P2RY8: variants seen among roughly 807,000 people sequenced by gnomAD.
The protein encoded by P2RY8 is P2Y receptor family member 8.
In P2RY8, 6 loss-of-function variants were observed where a neutral mutation model predicts 10.0. The ratio of observed to expected loss-of-function variants is 0.60; its 90% CI spans 0.33 to 1.19. The LOEUF (loss-of-function observed/expected upper bound fraction) is 1.19, where lower values mean the gene tolerates loss of function less well. Among genes scored for constraint, P2RY8 ranks in the 50% most tolerant of loss-of-function variants. The pLI, the probability that P2RY8 is intolerant of heterozygous loss-of-function variation, is 0.04. For missense variants in P2RY8, 456 were observed against 542.0 expected (o/e 0.84, Z 1.58); for synonymous variants, 276 against 252.5 (o/e 1.09, Z -0.88).
At chrX:1,493,005 C>T (rs1162022256) in intron 1 of P2RY8, among the ~76,000 whole-genome samples, 18 of 151,706 alleles carry the variant, frequency 1.2e-4, no homozygotes, top group African/African-American at 2.9e-4. Context: ...ACCTGTCTCA[C>T]GAAGTTTCGA....
At chrX:1,508,754 T>C (rs1364744386) in intron 1 of P2RY8, among the ~76,000 whole-genome samples, 107 of 137,248 alleles carry the variant, frequency 7.8e-4, no homozygotes, top group Admixed American at 1.7e-3. Flanking sequence ...ATCTATCTAT[T>C]TCTATTATCT....
chrX:1,535,404 T>C (rs1430928000), intron 1 of P2RY8, among the ~76,000 whole-genome samples: 1 of 151,502 alleles, frequency 6.6e-6, no homozygotes, highest in East Asian at 1.9e-4. Context: ...GCCAGGCTGG[T>C]CTCAAACCCC....
At chrX:1,504,784 C>T (rs1374034636) in intron 1 of P2RY8, among the ~76,000 whole-genome samples, 5 of 150,984 alleles carry the variant, frequency 3.3e-5, no homozygotes, top group Admixed American at 1.3e-4. Context: ...GTCAGGAGTT[C>T]GAGGCCAGCC....
At chrX:1,487,881 C>T (rs1473259741) in intron 1 of P2RY8, among the ~76,000 whole-genome samples, 2 of 152,074 alleles carry the variant, frequency 1.3e-5, no homozygotes, top group African/African-American at 2.4e-5. Context: ...GAGGCCGAGG[C>T]GGGTGGATCA....
intron 1 of P2RY8, among the ~76,000 whole-genome samples, chrX:1,511,361 G>A (rs1334006855): frequency 2.6e-5 from 4 of 152,108 alleles, no homozygotes; most frequent in Admixed American, 2.0e-4. Context: ...CCTGTAACCT[G>A]TTGAATACAA....
intron 1 of P2RY8, among the ~76,000 whole-genome samples, chrX:1,534,409 T>G (rs1280619444): frequency 4.6e-5 from 7 of 151,796 alleles, no homozygotes; most frequent in Admixed American, 2.6e-4. Flanking sequence ...GTCTGGTCCT[T>G]GGGGGTGATC....
At chrX:1,507,209 C>T (rs1402861129) in intron 1 of P2RY8, among the ~76,000 whole-genome samples, 2 of 152,002 alleles carry the variant, frequency 1.3e-5, no homozygotes, top group African/African-American at 4.8e-5. Context: ...TGCCTCTGAG[C>T]GAAGCAAGGA....
intron 1 of P2RY8, among the ~76,000 whole-genome samples, chrX:1,473,578 GGGT>G (rs1424310968): frequency 6.6e-6 from 1 of 150,408 alleles, no homozygotes; most frequent in Admixed American, 6.6e-5. Flanking sequence ...GTGAATGGGT[GGGT>G]AGGTGGGTGA....
At chrX:1,535,318 A>G (rs1363207222) in intron 1 of P2RY8, among the ~76,000 whole-genome samples, 1 of 149,390 alleles carries the variant, frequency 6.7e-6, no homozygotes, top group Non-Finnish European at 1.5e-5. Flanking sequence ...GTGCCGAGTA[A>G]CTGGGATGAC....
intron 1 of P2RY8, among the ~76,000 whole-genome samples, chrX:1,473,484 A>G (rs2149378385): frequency 8.6e-6 from 1 of 116,484 alleles, no homozygotes; most frequent in Non-Finnish European, 1.7e-5. Context: ...TGTATGGATG[A>G]GTAGGTGGAT....
rs780086518 is a variant in P2RY8, at chrX:1,465,463, G to C, written c.*16C>G. Reference sequence around the variant, plus strand: ...CCAAGCTGCGCCCCCGGCTCTCCAAGCTGCGCCCCCGGGACTCAGAACACA... The same window carrying C: ...CCAAGCTGCGCCCCCGGCTCTCCAACCTGCGCCCCCGGGACTCAGAACACA... On this transcript the variant is annotated 3_prime_UTR_variant, in exon 2 of 2. Transcript: ENST00000381297. 7 of 1,583,140 alleles carry C rather than the reference G, an allele frequency of 4.4e-6. No homozygotes were observed. The Admixed American group carries it at 1.2e-4, about 28-fold the overall frequency.
intron 1 of P2RY8, among the ~76,000 whole-genome samples, chrX:1,498,354 C>T (rs779166376): frequency 2.9e-4 from 39 of 135,106 alleles, no homozygotes; most frequent in African/African-American, 7.9e-4. Flanking sequence ...TGCAGTGAGC[C>T]GAGATCGCGC....
chrX:1,465,924 C>T lies in P2RY8; in HGVS notation c.635G>A (p.Cys212Tyr). 1 of 1,612,488 alleles carries T rather than the reference C, an allele frequency of 6.2e-7. No homozygotes were observed. The highest frequency in any genetic ancestry group is 8.5e-7 in the Non-Finnish European group (1 of 1,179,782). ...CAGCTTGAGGATGGTGGCCGTGTAA[C>T]AAGCCACGGTGATCACGAACGGGAT... The part of the protein sequence containing the change: ...FLIPFVITVA[C>Y]YTATILKLLR... Residue 212 changes from cysteine to tyrosine, a missense_variant, in exon 2 of 2, where the codon TGT (cysteine) becomes TAT (tyrosine). Transcript: ENST00000381297.
chrX:1,529,279 T>C (rs1191074516), intron 1 of P2RY8, among the ~76,000 whole-genome samples: 1 of 152,102 alleles, frequency 6.6e-6, no homozygotes, highest in Non-Finnish European at 1.5e-5. Flanking sequence ...CATTGGGAGA[T>C]GGAGAAATGG....
chrX:1,507,092 T>C (rs1364877215), intron 1 of P2RY8, among the ~76,000 whole-genome samples: 1 of 76,828 alleles, frequency 1.3e-5, no homozygotes, highest in Non-Finnish European at 3.2e-5. Context: ...TCTCAAGGTA[T>C]CAGGTCCCTG....
chrX:1,466,679 CG>C (rs1175635404), intron 1 of P2RY8, 97 bp from the exon 2 acceptor site: 1 of 1,212,758 alleles, frequency 8.2e-7, no homozygotes, highest in Non-Finnish European at 1.1e-6. Flanking sequence ...GGGACCAAGG[CG>C]GGGGAGATGC....
At chrX:1,488,523 G>C (rs191635933) in intron 1 of P2RY8, among the ~76,000 whole-genome samples, 7 of 152,262 alleles carry the variant, frequency 4.6e-5, no homozygotes, top group Non-Finnish European at 8.8e-5. Context: ...ACAGTCTTGA[G>C]TGACACCTTC....
chrX:1,478,503 G>A lies in P2RY8; in HGVS notation c.-24-11921C>T, dbSNP rs192895870. On this transcript the variant is annotated intron_variant, in intron 1 of 1. Transcript: ENST00000381297. ...TTTATTTATTTATTTTTTTGAGACA[G>A]AGTCTCGCTCTGTTGTCCAGGCTGG... 1.9e-3 allele frequency among the ~76,000 whole-genome samples: 290 copies of A among 151,948 alleles called. 3 individuals are homozygous for A. The highest frequency in any genetic ancestry group is 0.014 in the Middle Eastern group (4 of 294).
In P2RY8 at chrX:1,507,768, T is replaced by C. The variant is rs185483366; in HGVS notation, c.-25+29153A>G. Among the ~76,000 whole-genome samples the C allele has an allele frequency of 4.0e-3, 613 of 152,270 alleles. 5 individuals are homozygous for C. Among genetic ancestry groups the C allele is most frequent in the African/African-American group, 0.014 (575 of 41,548 alleles). On this transcript the variant is annotated intron_variant, in intron 1 of 1. Coordinates refer to ENST00000381297, the MANE Select transcript of P2RY8 (RefSeq NM_178129.5). Reference sequence around the variant, plus strand: ...CCTGCTTCTGGGTACACTACCCCTGTGGTGACGGGAGGGAAAGTAAAGGTT... The same window carrying C: ...CCTGCTTCTGGGTACACTACCCCTGCGGTGACGGGAGGGAAAGTAAAGGTT...
Sources: gnomAD v4.1 joint callset for allele counts (sites outside exome capture counted in the v4.1 genomes callset) on GRCh38, gnomAD v4.1.1 for gene constraint, MANE v1.5 for transcripts, NCBI Gene and HGNC (gene_info 2026-07-23, HGNC 2026-07-21) for gene names.